RTN1: variants seen among roughly 807,000 people sequenced by gnomAD.
RTN1 encodes reticulon-1.
RTN1 carries 25 observed loss-of-function variants against 65.5 expected under a neutral mutation model. The ratio of observed to expected loss-of-function variants is 0.38; its 90% CI spans 0.28 to 0.53. The LOEUF is 0.53. RTN1 is among the 20% of genes least tolerant of loss of function. The pLI is 0.79. For synonymous variants in RTN1, 471 were observed against 447.6 expected (o/e 1.05, Z -0.66); for missense variants, 983 against 1,025.4 (o/e 0.96, Z 0.57).
intron 3 of RTN1, among the ~76,000 whole-genome samples, chr14:59,671,865 C>T (rs1176270760): frequency 6.6e-6 from 1 of 152,174 alleles, no homozygotes; most frequent in Non-Finnish European, 1.5e-5. Flanking sequence ...CGATATTGTA[C>T]GTTTAATCTT....
intron 3 of RTN1, among the ~76,000 whole-genome samples, chr14:59,674,499 A>G (rs1219288136): frequency 6.6e-6 from 1 of 152,222 alleles, no homozygotes; most frequent in Non-Finnish European, 1.5e-5. Flanking sequence ...AGTTGGAGAG[A>G]TGAAAAGATA....
intron 1 of RTN1, among the ~76,000 whole-genome samples, chr14:59,827,324 G>A (rs1213310630): frequency 1.1e-4 from 16 of 152,144 alleles, no homozygotes; most frequent in South Asian, 2.1e-4. Flanking sequence ...GTGATCCGCC[G>A]GCCTCGGCCT....
chr14:59,791,475 T>C (rs1886347976), intron 1 of RTN1, among the ~76,000 whole-genome samples: 1 of 152,194 alleles, frequency 6.6e-6, no homozygotes, highest in Non-Finnish European at 1.5e-5. Context: ...TCATTCCCCG[T>C]TTGACAAGGG....
At chr14:59,764,998 T>C (rs1163144469) in intron 1 of RTN1, among the ~76,000 whole-genome samples, 1 of 152,222 alleles carries the variant, frequency 6.6e-6, no homozygotes, top group Non-Finnish European at 1.5e-5. Flanking sequence ...ACATGATTTT[T>C]TGAAGTGATC....
At chr14:59,606,924 T>G (rs1881777663) in intron 4 of RTN1, among the ~76,000 whole-genome samples, 1 of 152,348 alleles carries the variant, frequency 6.6e-6, no homozygotes, top group African/African-American at 2.4e-5. Flanking sequence ...CACCTGGCCT[T>G]GAGCATGTCA....
intron 7 of RTN1, 42 bp downstream of exon 7, chr14:59,603,170 G>T: frequency 6.2e-7 from 1 of 1,611,816 alleles, no homozygotes; most frequent in Non-Finnish European, 8.5e-7. Flanking sequence ...AGATGATGAG[G>T]TCAAAATTCA....
chr14:59,870,727 C>G lies in RTN1; in HGVS notation c.-97G>C. 8.1e-7 allele frequency: 1 copy of G among 1,231,686 alleles called. No homozygotes were observed. The highest frequency in any genetic ancestry group is 1.0e-6 in the Non-Finnish European group (1 of 980,804). 76.3% of individuals were successfully genotyped at this position (1,231,686 alleles called of 1,614,324 possible). A position where few individuals can be genotyped will look rare whatever the true frequency, so the allele number is the denominator to read the frequency against. On this transcript the variant is annotated 5_prime_UTR_variant, in exon 1 of 9. Transcript: ENST00000267484. The surrounding 1 kb of genome is among the most constrained non-coding windows in gnomAD (Gnocchi z 5.1). ...TGCTGCTGTCCCCGGAGGGACTCGG[C>G]GCTCAGGGAAGCTGCGGTGTCTCAG...
At chr14:59,665,800 T>C (rs1326480954) in intron 3 of RTN1, among the ~76,000 whole-genome samples, 1 of 152,084 alleles carries the variant, frequency 6.6e-6, no homozygotes, top group African/African-American at 2.4e-5. Context: ...TCCTAGTCTC[T>C]GATAAAACAA....
chr14:59,627,989 T>A (rs77739371), intron 3 of RTN1, among the ~76,000 whole-genome samples: 2,708 of 151,960 alleles, frequency 0.018, 254 homozygotes, highest in Admixed American at 0.15. Flanking sequence ...TTTTTTTTTT[T>A]AAATTGGTAT....
chr14:59,673,762 T>C (rs1211217316), intron 3 of RTN1, among the ~76,000 whole-genome samples: 1 of 152,186 alleles, frequency 6.6e-6, no homozygotes, highest in African/African-American at 2.4e-5. Context: ...TATCGAGAAC[T>C]GGCAGCTCTG....
chr14:59,609,051 G>A lies in RTN1; in HGVS notation c.1766-1559C>T, dbSNP rs369332926. ...TGTAATCTCAGCACTTTGGGAGGCC[G>A]AGGCAGGTGGATCATCTGAGGTCAG... is the stretch of plus-strand genomic sequence containing the variant. On this transcript the variant is annotated intron_variant, in intron 3 of 8. Coordinates refer to ENST00000267484, the MANE Select transcript of RTN1 (RefSeq NM_021136.3). 1.4e-4 allele frequency among the ~76,000 whole-genome samples: 22 copies of A among 152,204 alleles called. 3 individuals are homozygous for A. The highest frequency in any genetic ancestry group is 7.8e-4 in the Admixed American group (12 of 15,288).
At chr14:59,671,220 C>T (rs1047719323) in intron 3 of RTN1, among the ~76,000 whole-genome samples, 57 of 152,158 alleles carry the variant, frequency 3.7e-4, no homozygotes, top group African/African-American at 1.3e-3. Context: ...TTGAGTCAAC[C>T]TATTCTCTCT....
chr14:59,653,088 C>T (rs1281582861), intron 3 of RTN1, among the ~76,000 whole-genome samples: 4 of 152,106 alleles, frequency 2.6e-5, no homozygotes, highest in South Asian at 4.2e-4. Context: ...ACAAACCTCA[C>T]GTAGTTTAAA....
Position 59,803,822 on chromosome 14 carries a change from T to C in RTN1, c.242-57341A>G, listed in dbSNP as rs1238317216. Among the ~76,000 whole-genome samples, 2 of 152,206 alleles carry C rather than the reference T, an allele frequency of 1.3e-5. No homozygotes were observed. Among genetic ancestry groups the C allele is most frequent in the Non-Finnish European group, 2.9e-5 (2 of 68,044 alleles). ...CTCTCAACTTGAAGATTCAGAAACC[T>C]GAGGCCACAGTATCCTATACTTAAT... is the stretch of plus-strand genomic sequence containing the variant. On this transcript the variant is annotated intron_variant, in intron 1 of 8. Transcript: ENST00000267484. This position sits in a 1 kb window ranked among gnomAD's most constrained non-coding sequence, Gnocchi z 5.6.
rs918051753 is a variant in RTN1, at chr14:59,607,416, G to A, written c.1842C>T (p.Ser614=). ...CGCTCACCACGCTGAACTGGGTCAG[G>A]GAGAAGAGCAGCAGCAGGAAACTCC... ...VFGSFLLLLF[S]LTQFSVVSVV... The change falls in exon 4 of 9, where the codon TCC becomes TCT. Residue 614 remains serine, a synonymous_variant. Transcript: ENST00000267484. 5.6e-6 allele frequency: 9 copies of A among 1,613,762 alleles called. No individual in the cohort carries two copies. Among genetic ancestry groups the A allele is most frequent in the Admixed American group, 3.3e-5 (2 of 59,982 alleles).
rs1347201460 is a variant in RTN1 at position 59,790,481 on chromosome 14, T to C, written c.242-44000A>G. On this transcript the variant is annotated intron_variant, in intron 1 of 8. Coordinates refer to ENST00000267484, the MANE Select transcript of RTN1 (RefSeq NM_021136.3). This position sits in a 1 kb window ranked among gnomAD's most constrained non-coding sequence, Gnocchi z 4.1. Reference sequence around the variant, plus strand: ...TTTCTCCACTTTGCCTTATTGTCTTTTGGCTTTGATTGCTGCCTTGGAAAA... The same window carrying C: ...TTTCTCCACTTTGCCTTATTGTCTTCTGGCTTTGATTGCTGCCTTGGAAAA... Among the ~76,000 whole-genome samples the C allele has an allele frequency of 6.6e-6, 1 of 152,154 alleles. No homozygotes were observed. The highest frequency in any genetic ancestry group is 1.5e-5 in the Non-Finnish European group (1 of 68,008).
At chr14:59,752,248 T>C (rs951468712) in intron 1 of RTN1, among the ~76,000 whole-genome samples, 5 of 152,156 alleles carry the variant, frequency 3.3e-5, no homozygotes, top group Non-Finnish European at 5.9e-5. Flanking sequence ...CTCTGGAGGC[T>C]GGGAGGTTCA....
At chr14:59,685,630 T>C (rs977195160) in intron 3 of RTN1, among the ~76,000 whole-genome samples, 2 of 152,078 alleles carry the variant, frequency 1.3e-5, no homozygotes, top group Non-Finnish European at 2.9e-5. Context: ...ATCTCTACAC[T>C]AAAGACTGTA....
At chr14:59,773,927 G>T (rs1886005087) in intron 1 of RTN1, among the ~76,000 whole-genome samples, 1 of 152,190 alleles carries the variant, frequency 6.6e-6, no homozygotes, top group South Asian at 2.1e-4. Context: ...GTGACTAAAA[G>T]GAATATTTTA....
Sources: allele counts gnomAD v4.1 joint callset (sites outside exome capture counted in the v4.1 genomes callset), GRCh38; gene constraint gnomAD v4.1.1; non-coding constraint Gnocchi (gnomAD v3.1); transcripts MANE v1.5; gene names NCBI Gene and HGNC (gene_info 2026-07-23, HGNC 2026-07-21).